The following FHIT variants were observed in gnomAD, a reference collection of about 807,000 sequenced individuals.
FHIT encodes the protein bis(5'-adenosyl)-triphosphatase.
In FHIT, 19 loss-of-function variants were observed where a neutral mutation model predicts 17.9. The observed-to-expected ratio is 1.06, with a 90% confidence interval of 0.74 to 1.56. The LOEUF (loss-of-function observed/expected upper bound fraction) is 1.56. FHIT is among the 40% of genes most tolerant of loss of function. The probability of loss-of-function intolerance (pLI) is 0.00; values close to 1 mark genes in which losing one functional copy is unlikely to be tolerated. For synonymous variants in FHIT, 81 were observed against 69.7 expected, an observed-to-expected ratio of 1.16 and a Z score of -0.81; for missense variants, 248 against 189.2, an observed-to-expected ratio of 1.31 and a Z score of -1.82.
chr3:60,533,853 G>A (rs1559519299), intron 5 of FHIT, among the ~76,000 whole-genome samples: 2 of 152,148 alleles, frequency 1.3e-5, no homozygotes, highest in African/African-American at 4.8e-5. Context: ...TATTAACAAG[G>A]GAAGAGAAGA....
chr3:60,150,479 G>A (rs1443640295), intron 5 of FHIT, among the ~76,000 whole-genome samples: 1 of 152,118 alleles, frequency 6.6e-6, no homozygotes, highest in African/African-American at 2.4e-5. Flanking sequence ...GTTACTTTTT[G>A]ATACTTATGA....
rs192310874 is a variant in FHIT at position 60,556,611 on chromosome 3, A to G, written c.-17-19632T>C. 1.6e-3 allele frequency among the ~76,000 whole-genome samples: 249 copies of G among 152,380 alleles called. 2 individuals carry two copies. Among genetic ancestry groups the G allele is most frequent in the Non-Finnish European group, 1.6e-3 (111 of 68,040 alleles). On this transcript the variant is annotated intron_variant, in intron 4 of 9. Coordinates refer to ENST00000492590, the MANE Select transcript of FHIT (RefSeq NM_002012.4). ...TCAAGCAACTTGATCAAGGTCACCC[A>G]TTAGTGAAAACCCCAAAGCTCTTCT...
intron 3 of FHIT, among the ~76,000 whole-genome samples, chr3:60,852,147 C>G (rs1254064299): frequency 2.0e-5 from 3 of 152,126 alleles, no homozygotes; most frequent in African/African-American, 7.2e-5. Context: ...AAAGCTGACC[C>G]TCATGCAAGA....
chr3:60,926,768 TG>T (rs1165208662), intron 3 of FHIT, among the ~76,000 whole-genome samples: 3 of 152,158 alleles, frequency 2.0e-5, no homozygotes, highest in African/African-American at 4.8e-5. Flanking sequence ...ATCCAGGAGC[TG>T]GTTTTTTGAA....
rs139472013 is a variant in FHIT, at chr3:59,953,670, A to G, written c.280-31256T>C. On this transcript the variant is annotated intron_variant, in intron 7 of 9. Transcript: ENST00000492590. ...GTGCTCGGCCTCCCACTCAGCACCA[A>G]GAGGCCAAACAGAATCTAAAACCAC... 1.9e-3 allele frequency among the ~76,000 whole-genome samples: 288 copies of G among 152,320 alleles called. 1 individual carries two copies. The highest frequency in any genetic ancestry group is 6.1e-3 in the African/African-American group (252 of 41,586).
chr3:60,788,656 A>G (rs1045723792), intron 4 of FHIT, among the ~76,000 whole-genome samples: 1 of 152,174 alleles, frequency 6.6e-6, no homozygotes, highest in Admixed American at 6.5e-5. Context: ...GGCAGGAGAC[A>G]GGGTGTTGAC....
At chr3:60,205,501 G>A (rs1703130212) in intron 5 of FHIT, among the ~76,000 whole-genome samples, 1 of 152,144 alleles carries the variant, frequency 6.6e-6, no homozygotes, top group Admixed American at 6.5e-5. Context: ...GAAATGATGA[G>A]CCAAAGGATA....
intron 5 of FHIT, among the ~76,000 whole-genome samples, chr3:60,503,098 T>C (rs2034587664): frequency 6.6e-6 from 1 of 152,202 alleles, no homozygotes; most frequent in South Asian, 2.1e-4. Flanking sequence ...CAGTTCTAGG[T>C]TCTCTTCCTT....
chr3:60,141,557 T>C (rs557845873), intron 5 of FHIT, among the ~76,000 whole-genome samples: 6 of 152,302 alleles, frequency 3.9e-5, no homozygotes, highest in South Asian at 2.1e-4. Context: ...CAAACTCATA[T>C]AGAATTCCTA....
At chr3:60,562,587 T>A (rs1185665881) in intron 4 of FHIT, among the ~76,000 whole-genome samples, 3 of 152,002 alleles carry the variant, frequency 2.0e-5, no homozygotes, top group African/African-American at 7.2e-5. Context: ...ACTTGGAGGG[T>A]ATAATACCAG....
chr3:61,188,824 AC>A (rs2038613794), intron 2 of FHIT, among the ~76,000 whole-genome samples: 1 of 152,158 alleles, frequency 6.6e-6, no homozygotes, highest in African/African-American at 2.4e-5. Flanking sequence ...AGAACCAAAG[AC>A]AAAAACCACA....
At chr3:61,228,767 A>G (rs1314300796) in intron 1 of FHIT, among the ~76,000 whole-genome samples, 1 of 152,204 alleles carries the variant, frequency 6.6e-6, no homozygotes, top group Non-Finnish European at 1.5e-5. Flanking sequence ...AGAGGTTCTG[A>G]ACTTCACATA....
chr3:60,208,090 G>A (rs1703284295), intron 5 of FHIT, among the ~76,000 whole-genome samples: 1 of 152,090 alleles, frequency 6.6e-6, no homozygotes, highest in Admixed American at 6.6e-5. Context: ...ATTACCAGTG[G>A]TTCCTCTACT....
chr3:61,054,469 T>C (rs1468341793), intron 2 of FHIT, among the ~76,000 whole-genome samples: 1 of 152,184 alleles, frequency 6.6e-6, no homozygotes, highest in Non-Finnish European at 1.5e-5. Context: ...GAAATGTTAA[T>C]AGTAGCATCA....
At chr3:60,202,265 C>G (rs1432931208) in intron 5 of FHIT, among the ~76,000 whole-genome samples, 2 of 152,194 alleles carry the variant, frequency 1.3e-5, no homozygotes, top group Non-Finnish European at 2.9e-5. Context: ...GACCAATGAC[C>G]TAGTAGCACT....
chr3:60,931,571 C>T (rs1209186656), intron 3 of FHIT, among the ~76,000 whole-genome samples: 1 of 148,618 alleles, frequency 6.7e-6, no homozygotes, highest in Admixed American at 6.8e-5. Context: ...GGTCAAATCG[C>T]CTCAGAAGCT....
At chr3:61,041,211 T>C (rs1416789593) in intron 3 of FHIT, among the ~76,000 whole-genome samples, 2 of 151,978 alleles carry the variant, frequency 1.3e-5, no homozygotes, top group Non-Finnish European at 2.9e-5. Context: ...AAACCCTGCC[T>C]CTACTAAAAA....
intron 5 of FHIT, among the ~76,000 whole-genome samples, chr3:60,175,238 T>C (rs71313749): frequency 0.18 from 26,691 of 152,162 alleles, 2,607 homozygotes; most frequent in South Asian, 0.31. Context: ...GTACACTGAA[T>C]GTCTACTCCT....
intron 1 of FHIT, among the ~76,000 whole-genome samples, chr3:61,209,143 C>T (rs1395928697): frequency 1.3e-5 from 2 of 152,082 alleles, no homozygotes; most frequent in Non-Finnish European, 2.9e-5. Flanking sequence ...TGAATATTGG[C>T]CCCCACTCTC....
Sources: gnomAD v4.1 joint callset for allele counts (sites outside exome capture counted in the v4.1 genomes callset) on GRCh38, gnomAD v4.1.1 for gene constraint, MANE v1.5 for transcripts, NCBI Gene and HGNC (gene_info 2026-07-23, HGNC 2026-07-21) for gene names.